Variants in PLEKHA5 observed in about 807,000 individuals in gnomAD.
PLEKHA5 encodes the protein pleckstrin homology domain containing A5.
Under a neutral mutation model 181.9 loss-of-function variants are expected in PLEKHA5, and 55 were observed. The ratio of observed to expected loss-of-function variants is 0.30; its 90% CI spans 0.24 to 0.38. The LOEUF (loss-of-function observed/expected upper bound fraction) is 0.38, where lower values mean the gene tolerates loss of function less well. PLEKHA5 is among the 10% of genes least tolerant of loss of function. PLEKHA5 has a pLI of 1.00. For missense variants in PLEKHA5, 1,432 were observed against 1,549.5 expected, an observed-to-expected ratio of 0.92 and a Z score of 1.27; for synonymous variants, 535 against 529.4, an observed-to-expected ratio of 1.01 and a Z score of -0.15.
intron 24 of PLEKHA5, among the ~76,000 whole-genome samples, 167 bp from the exon 25 acceptor site, chr12:19,348,232 A>T (rs1426384408): frequency 6.6e-6 from 1 of 152,184 alleles, no homozygotes; most frequent in African/African-American, 2.4e-5. Context: ...AAAATTTCTC[A>T]AATTTCTTCT....
At chr12:19,359,882 C>T (rs572719319) in intron 28 of PLEKHA5, among the ~76,000 whole-genome samples, 137 of 151,590 alleles carry the variant, frequency 9.0e-4, no homozygotes, top group Non-Finnish European at 1.4e-3. Flanking sequence ...AGGAGAATGG[C>T]GTGAATCTGG....
chr12:19,295,004 A>G (rs2079398679), intron 15 of PLEKHA5, among the ~76,000 whole-genome samples: 1 of 152,192 alleles, frequency 6.6e-6, no homozygotes, highest in Non-Finnish European at 1.5e-5. Context: ...CAGTTTGTTT[A>G]TGCTTCCATA....
chr12:19,353,173 G>C (rs1473704272), intron 25 of PLEKHA5, among the ~76,000 whole-genome samples: 2 of 148,990 alleles, frequency 1.3e-5, no homozygotes, highest in Non-Finnish European at 3.0e-5. Context: ...ATTTATTTTT[G>C]AGACAGAGTC....
intron 7 of PLEKHA5, among the ~76,000 whole-genome samples, chr12:19,263,787 A>G (rs777092098): frequency 3.9e-5 from 6 of 152,190 alleles, no homozygotes; most frequent in Non-Finnish European, 5.9e-5. Flanking sequence ...TCTTGGAACC[A>G]TCAGCTGTGG....
chr12:19,200,238 A>G, intron 3 of PLEKHA5: 2 of 898,026 alleles, frequency 2.2e-6, no homozygotes, highest in African/African-American at 1.7e-5. Flanking sequence ...AGTATCACCC[A>G]TCCCCCTTAA....
chr12:19,255,334 G>T (rs2066575542), intron 5 of PLEKHA5, among the ~76,000 whole-genome samples, 169 bp downstream of exon 5: 1 of 152,032 alleles, frequency 6.6e-6, no homozygotes, highest in Non-Finnish European at 1.5e-5. Context: ...TAATAAGATT[G>T]TAATTCAGTG....
At chr12:19,161,704 G>A (rs2043008639) in intron 3 of PLEKHA5, among the ~76,000 whole-genome samples, 1 of 152,182 alleles carries the variant, frequency 6.6e-6, no homozygotes, top group Admixed American at 6.5e-5. Flanking sequence ...ACTTTCTAAA[G>A]TGTGTTGGCC....
intron 3 of PLEKHA5, among the ~76,000 whole-genome samples, chr12:19,173,806 C>A (rs1404831695): frequency 1.3e-5 from 2 of 152,060 alleles, no homozygotes; most frequent in South Asian, 4.2e-4. Flanking sequence ...AGGTCTCATG[C>A]GGATGATAGT....
In PLEKHA5 at chr12:19,246,570, C is replaced by T. The variant is rs531129697; in HGVS notation, c.228-7370C>T. Among the ~76,000 whole-genome samples, 8 of 147,406 alleles carry T rather than the reference C, an allele frequency of 5.4e-5. No individual in the cohort carries two copies. In the South Asian group the frequency reaches 1.1e-3, roughly 20 times the overall value. On this transcript the variant is annotated intron_variant, in intron 3 of 31. Coordinates refer to ENST00000429027, the MANE Select transcript of PLEKHA5 (RefSeq NM_001256470.2). ...CCAGGAGGCGGATGTTGCATTTAGC[C>T]GAGATTGCGCCACTGCACTCCAGCC... is the stretch of plus-strand genomic sequence containing the variant.
chr12:19,344,365 A>G (rs1016099615), intron 22 of PLEKHA5, among the ~76,000 whole-genome samples: 2 of 152,188 alleles, frequency 1.3e-5, no homozygotes, highest in African/African-American at 4.8e-5. Context: ...TTTTATCCCC[A>G]CAACAAGAAC....
At chr12:19,254,540 G>A (rs769296785) in intron 4 of PLEKHA5, among the ~76,000 whole-genome samples, 2 of 152,120 alleles carry the variant, frequency 1.3e-5, no homozygotes, top group African/African-American at 2.4e-5. Flanking sequence ...AACATGATAG[G>A]CCGGGCACAG....
At chr12:19,319,917 A>G in intron 16 of PLEKHA5, 104 bp from the exon 17 acceptor site, 1 of 669,470 alleles carries the variant, frequency 1.5e-6, no homozygotes, top group East Asian at 3.3e-5. Flanking sequence ...TTTTTATGAA[A>G]TTTGACTATC....
At position 19,308,271 on chromosome 12, in the gene PLEKHA5, T is replaced by A. The variant is rs111266736; in HGVS notation, c.2038-6543T>A. ...TTGCCTCTATGGGAATCCAGCTGTA[T>A]ACATGCATCAGTGTCATTGCTTTGT... On this transcript the variant is annotated intron_variant, in intron 15 of 31. Transcript: ENST00000429027. Among the ~76,000 whole-genome samples the A allele has an allele frequency of 1.3e-5, 2 of 152,192 alleles. 1 individual carries two copies.
intron 21 of PLEKHA5, among the ~76,000 whole-genome samples, chr12:19,340,945 T>TAAAAAAAAAAAAA (rs58915493): frequency 6.4e-5 from 4 of 62,776 alleles, no homozygotes; most frequent in Non-Finnish European, 2.1e-4. Context: ...GAATGATCAA[T>TAAAAAAAAAAAAA]AAAAAAAAAA....
At chr12:19,160,094 T>A (rs1390267825) in intron 3 of PLEKHA5, among the ~76,000 whole-genome samples, 1 of 152,144 alleles carries the variant, frequency 6.6e-6, no homozygotes, top group East Asian at 1.9e-4. Flanking sequence ...ATCCATGGAC[T>A]TATTTTTACA....
chr12:19,340,327 C>T (rs1002435458), intron 21 of PLEKHA5, among the ~76,000 whole-genome samples: 6 of 151,174 alleles, frequency 4.0e-5, no homozygotes, highest in Non-Finnish European at 7.4e-5. Context: ...AAGAGAGGAG[C>T]CCCTCTGCCC....
chr12:19,303,133 G>T (rs1254593873), intron 15 of PLEKHA5, among the ~76,000 whole-genome samples: 1 of 151,742 alleles, frequency 6.6e-6, no homozygotes, highest in Non-Finnish European at 1.5e-5. Context: ...TGTTGGCCAG[G>T]CTGGTCTCGA....
At chr12:19,232,374 T>G (rs576294252) in intron 3 of PLEKHA5, among the ~76,000 whole-genome samples, 1 of 152,216 alleles carries the variant, frequency 6.6e-6, no homozygotes, top group Non-Finnish European at 1.5e-5. Flanking sequence ...ATGCAAGTTA[T>G]GACAGAGTTC....
intron 8 of PLEKHA5, among the ~76,000 whole-genome samples, chr12:19,266,352 G>A (rs1318810345): frequency 6.6e-6 from 1 of 151,800 alleles, no homozygotes. Context: ...TACTAGCCGG[G>A]CATGGTGGCT....
Sources: gnomAD v4.1 joint callset for allele counts (sites outside exome capture counted in the v4.1 genomes callset) on GRCh38, gnomAD v4.1.1 for gene constraint, MANE v1.5 for transcripts, NCBI Gene and HGNC (gene_info 2026-07-23, HGNC 2026-07-21) for gene names.